Variants in TMPRSS9 observed in about 807,000 individuals in gnomAD.
The protein encoded by TMPRSS9 is transmembrane serine protease 9.
In TMPRSS9, 113 loss-of-function variants were observed where a neutral mutation model predicts 111.4. The ratio of observed to expected loss-of-function variants is 1.01; its 90% CI spans 0.87 to 1.19. The LOEUF (loss-of-function observed/expected upper bound fraction) is 1.19, where lower values mean the gene tolerates loss of function less well. Among genes scored for constraint, TMPRSS9 ranks in the 50% most tolerant of loss-of-function variants. The pLI, the probability that TMPRSS9 is intolerant of heterozygous loss-of-function variation, is 0.00. For missense variants in TMPRSS9, 1,803 were observed against 1,513.1 expected, an observed-to-expected ratio of 1.19 and a Z score of -3.18; for synonymous variants, 805 against 659.1, an observed-to-expected ratio of 1.22 and a Z score of -3.39.
chr19:2,425,992 T>C (rs368147469), exon 18 of TMPRSS9: 9 of 1,606,558 alleles, frequency 5.6e-6, no homozygotes, highest in Non-Finnish European at 7.6e-6. Context: ...CTGGGGTCAC[T>C]AGCTGGGGCT....
At position 2,416,284 on chromosome 19, in the gene TMPRSS9, T is replaced by G. The variant is rs1374261402; in HGVS notation, c.1746-254T>G. The G allele has an allele frequency of 1.0e-4, 55 of 531,462 alleles. No homozygotes were observed. In the East Asian group the frequency reaches 1.6e-3, roughly 16 times the overall value. The allele number at this position is 531,462 out of a possible 1,614,324, so 32.9% of individuals were successfully genotyped here. ...GCTGTAGGGGGTTGGGGGGGGGCAT[T>G]GGCACAGGTGTAGAAAATGAAGCCT... On this transcript the variant is annotated intron_variant, in intron 11 of 17. Coordinates refer to ENST00000648592, the Ensembl canonical transcript of TMPRSS9.
chr19:2,425,222 G>T (rs759564153), exon 16 of TMPRSS9: 2 of 1,461,940 alleles, frequency 1.4e-6, no homozygotes, highest in Non-Finnish European at 1.8e-6. Flanking sequence ...ACCCCCGGAC[G>T]GCACGCGCTG....
exon 17 of TMPRSS9, chr19:2,425,451 G>A (rs1568195612): frequency 6.3e-7 from 1 of 1,592,294 alleles, no homozygotes; most frequent in Non-Finnish European, 8.5e-7. Context: ...GCAGCCGCAT[G>A]CTGTGTGCCG....
At chr19:2,386,034 T>C (rs1278387126), upstream of TMPRSS9, among the ~76,000 whole-genome samples, 1 of 151,976 alleles carries the variant, frequency 6.6e-6, no homozygotes. Context: ...AGCCTCAACC[T>C]CCTGGTCTCA....
exon 18 of TMPRSS9, chr19:2,425,931 A>C: frequency 1.3e-6 from 2 of 1,593,090 alleles, no homozygotes; most frequent in Non-Finnish European, 1.7e-6. Flanking sequence ...CAACAGGGTG[A>C]CGCTGGGGGA....
intron 1 of TMPRSS9, among the ~76,000 whole-genome samples, chr19:2,391,472 A>G (rs4806845): frequency 0.95 from 142,514 of 150,716 alleles, 67,393 homozygotes; most frequent in East Asian, 1. Flanking sequence ...GGTACCAAGT[A>G]CAATACAATT....
upstream of TMPRSS9, among the ~76,000 whole-genome samples, chr19:2,385,201 C>A (rs1397576958): frequency 8.7e-3 from 145 of 16,692 alleles, no homozygotes; most frequent in South Asian, 0.014. Flanking sequence ...GGGCGGGGCT[C>A]GAGGGGGCGG....
chr19:2,417,779 G>A (rs1000097498), intron 12 of TMPRSS9, among the ~76,000 whole-genome samples: 7 of 152,172 alleles, frequency 4.6e-5, no homozygotes, highest in Admixed American at 6.5e-5. Flanking sequence ...GTGCTAGGGC[G>A]GCAGCCCCAT....
chr19:2,420,661 C>A (rs1250817450), intron 13 of TMPRSS9, among the ~76,000 whole-genome samples: 2 of 152,110 alleles, frequency 1.3e-5, no homozygotes, highest in Non-Finnish European at 2.9e-5. Flanking sequence ...ACTGTGTGAC[C>A]CCAGGCAAGT....
At chr19:2,383,461 G>A (rs1380843205) in intron 1 of TMPRSS9, among the ~76,000 whole-genome samples, 1 of 151,412 alleles carries the variant, frequency 6.6e-6, no homozygotes, top group Non-Finnish European at 1.5e-5. Flanking sequence ...AGACCAGCCT[G>A]GGCAACATAG....
chr19:2,395,851 C>CA (rs1189484460), intron 1 of TMPRSS9, among the ~76,000 whole-genome samples: 2 of 151,954 alleles, frequency 1.3e-5, no homozygotes, highest in Non-Finnish European at 2.9e-5. Flanking sequence ...ACTAAAAATA[C>CA]AAAAAAATTA....
At chr19:2,410,479 G>A (rs1304135539) in intron 9 of TMPRSS9, 85 bp downstream of exon 10, 4 of 1,527,802 alleles carry the variant, frequency 2.6e-6, no homozygotes, top group African/African-American at 1.4e-5. Context: ...CAGATATCTG[G>A]ATGCCCGCTG....
chr19:2,378,173 C>T (rs1033621951), intron 1 of TMPRSS9, among the ~76,000 whole-genome samples: 13 of 152,150 alleles, frequency 8.5e-5, no homozygotes, highest in African/African-American at 2.7e-4. Flanking sequence ...AGCTGCCACA[C>T]CTGACCCCCC....
At chr19:2,368,352 G>A (rs1351099136) in intron 1 of TMPRSS9, among the ~76,000 whole-genome samples, 3 of 151,926 alleles carry the variant, frequency 2.0e-5, no homozygotes, top group Non-Finnish European at 4.4e-5. Flanking sequence ...CAGAGAATGT[G>A]AAGGGCACAT....
At chr19:2,389,962 C>T in intron 1 of TMPRSS9, 35 bp downstream of exon 2, 1 of 1,587,720 alleles carries the variant, frequency 6.3e-7, no homozygotes, top group Admixed American at 1.7e-5. Context: ...GTTCGCAATA[C>T]AAGGGACATG....
intron 9 of TMPRSS9, 115 bp from the exon 11 acceptor site, chr19:2,413,585 T>G: frequency 1.7e-6 from 2 of 1,159,356 alleles, no homozygotes; most frequent in Non-Finnish European, 1.2e-6. Flanking sequence ...TCTGTGAGCT[T>G]GTGTGGAGAG....
At chr19:2,362,270 A>T (rs1038202957) in intron 1 of TMPRSS9, among the ~76,000 whole-genome samples, 1 of 151,260 alleles carries the variant, frequency 6.6e-6, no homozygotes, top group African/African-American at 2.4e-5. Context: ...CTGTGTGTAT[A>T]GTTGTGTGGT....
At chr19:2,412,231 CAAAA>C (rs1426760777) in intron 9 of TMPRSS9, among the ~76,000 whole-genome samples, 2 of 64,614 alleles carry the variant, frequency 3.1e-5, no homozygotes, top group Non-Finnish European at 5.6e-5. Flanking sequence ...TTTGTCTCTA[CAAAA>C]ACAAAAACAA....
chr19:2,383,441 C>T (rs995319771), intron 1 of TMPRSS9, among the ~76,000 whole-genome samples: 3 of 151,436 alleles, frequency 2.0e-5, no homozygotes, highest in Non-Finnish European at 4.4e-5. Context: ...GGCTTGAAGC[C>T]AGTAGTTCCA....
Sources: allele counts gnomAD v4.1 joint callset (sites outside exome capture counted in the v4.1 genomes callset), GRCh38; gene constraint gnomAD v4.1.1; transcripts MANE v1.5; gene names NCBI Gene and HGNC (gene_info 2026-07-23, HGNC 2026-07-21).